Variants in CACNA1C observed in about 807,000 individuals in gnomAD.
The protein encoded by CACNA1C is voltage-dependent L-type calcium channel subunit alpha-1C.
In CACNA1C, 30 loss-of-function variants were observed where a neutral mutation model predicts 229.0. That is an observed-to-expected ratio of 0.13 (90% confidence interval 0.10 to 0.18). CACNA1C has a LOEUF of 0.18. CACNA1C is among the 10% of genes least tolerant of loss of function. The pLI, the probability that CACNA1C is intolerant of heterozygous loss-of-function variation, is 1.00. For synonymous variants in CACNA1C, 1,114 were observed against 1,132.5 expected, an observed-to-expected ratio of 0.98 and a Z score of 0.33; for missense variants, 1,658 against 2,845.0, an observed-to-expected ratio of 0.58 and a Z score of 9.49.
At chr12:2,086,453 A>G (rs2067674517) in intron 1 of CACNA1C, among the ~76,000 whole-genome samples, 1 of 152,190 alleles carries the variant, frequency 6.6e-6, no homozygotes, top group African/African-American at 2.4e-5. Flanking sequence ...TTTCTAATCT[A>G]TTCTAGGCTT....
intron 3 of CACNA1C, among the ~76,000 whole-genome samples, chr12:2,395,209 C>CTTT (rs5796003): frequency 3.6e-4 from 46 of 128,088 alleles, no homozygotes; most frequent in African/African-American, 1.2e-3. Context: ...TTTTCTCTAG[C>CTTT]TTTTTTTTTT....
At position 2,473,174 on chromosome 12, in the gene CACNA1C, C is replaced by A. The variant is rs1326015130; in HGVS notation, c.758-12930C>A. ...ATTAACCTGTACCATCTCTTTTCTG[C>A]TGTCAACCCTAAACCAGCTGCTATC... On this transcript the variant is annotated intron_variant, in intron 5 of 46. Transcript: ENST00000399655. Among the ~76,000 whole-genome samples, 8 of 152,204 alleles carry A rather than the reference C, an allele frequency of 5.3e-5. No individual in the cohort carries two copies. In the East Asian group the frequency reaches 1.2e-3, roughly 22 times the overall value.
chr12:2,659,947 A>G (rs569768864), intron 34 of CACNA1C: 2 of 197,226 alleles, frequency 1.0e-5, no homozygotes, highest in East Asian at 2.6e-4. Flanking sequence ...ATGAAGCAGA[A>G]AGTCTCCTTC....
chr12:2,542,891 A>T lies in CACNA1C; in HGVS notation c.1391-7052A>T, dbSNP rs146574782. Among the ~76,000 whole-genome samples, 1,391 of 152,286 alleles carry T rather than the reference A, an allele frequency of 9.1e-3. 26 individuals are homozygous for T. Among genetic ancestry groups the T allele is most frequent in the African/African-American group, 0.032 (1,344 of 41,556 alleles). ...TTAAAGGATGTAATCAGTTGTTGGC[A>T]ATTCGACCATACAACTTGCTGTAGC... On this transcript the variant is annotated intron_variant, in intron 9 of 46. Coordinates refer to ENST00000399655, the MANE Select transcript of CACNA1C (RefSeq NM_000719.7).
At chr12:2,672,886 C>T (rs1482699607) in intron 38 of CACNA1C, among the ~76,000 whole-genome samples, 1 of 152,206 alleles carries the variant, frequency 6.6e-6, no homozygotes, top group Non-Finnish European at 1.5e-5. Context: ...CCTCCAGCTA[C>T]CTCTCCCGTG....
intron 8 of CACNA1C, among the ~76,000 whole-genome samples, chr12:2,506,134 G>T (rs1368590022): frequency 2.6e-5 from 4 of 152,138 alleles, no homozygotes; most frequent in African/African-American, 9.7e-5. Context: ...TAGAGACCTT[G>T]ATGACAAAAT....
chr12:2,498,484 C>G (rs1335171394), intron 7 of CACNA1C, among the ~76,000 whole-genome samples: 1 of 152,206 alleles, frequency 6.6e-6, no homozygotes, highest in African/African-American at 2.4e-5. Flanking sequence ...ATTTATTTTG[C>G]TGGTATTAGA....
intron 3 of CACNA1C, among the ~76,000 whole-genome samples, chr12:2,276,392 A>C (rs2088072424): frequency 6.6e-6 from 1 of 152,228 alleles, no homozygotes; most frequent in African/African-American, 2.4e-5. Context: ...AGGGATTACC[A>C]AACATCTTAT....
intron 2 of CACNA1C, among the ~76,000 whole-genome samples, chr12:2,117,430 A>G (rs1399375850): frequency 6.6e-6 from 1 of 152,236 alleles, no homozygotes; most frequent in East Asian, 1.9e-4. Context: ...TCAGCCCCAT[A>G]GGACTGCTTG....
intron 38 of CACNA1C, among the ~76,000 whole-genome samples, chr12:2,671,223 C>T (rs1014353406): frequency 6.6e-6 from 1 of 152,080 alleles, no homozygotes; most frequent in Non-Finnish European, 1.5e-5. Flanking sequence ...CCATGTTGGC[C>T]AGGATGGTCT....
intron 8 of CACNA1C, among the ~76,000 whole-genome samples, chr12:2,511,493 G>C (rs973680898): frequency 6.6e-6 from 1 of 152,006 alleles, no homozygotes; most frequent in African/African-American, 2.4e-5. Flanking sequence ...CAGCAGCCTC[G>C]TGCCCTGAAC....
At chr12:2,681,387 A>G (rs1447655230) in intron 42 of CACNA1C, among the ~76,000 whole-genome samples, 4 of 152,194 alleles carry the variant, frequency 2.6e-5, no homozygotes, top group Non-Finnish European at 5.9e-5. Flanking sequence ...TACAAACAAC[A>G]CACAGGGCAT....
chr12:2,464,635 G>A (rs951848173), intron 5 of CACNA1C, among the ~76,000 whole-genome samples: 6 of 152,190 alleles, frequency 3.9e-5, no homozygotes, highest in Non-Finnish European at 5.9e-5. Context: ...CGTGGGATAC[G>A]TTTTTCCTAG....
At chr12:2,068,194 A>G (rs780768855) in intron 1 of CACNA1C, among the ~76,000 whole-genome samples, 1 of 151,980 alleles carries the variant, frequency 6.6e-6, no homozygotes, top group Admixed American at 6.6e-5. Context: ...GGACAGTAAC[A>G]CTCCTTGAAT....
chr12:2,066,262 C>T (rs1373825602), intron 1 of CACNA1C, among the ~76,000 whole-genome samples: 2 of 151,978 alleles, frequency 1.3e-5, no homozygotes, highest in African/African-American at 4.8e-5. Flanking sequence ...AATTAGAGTT[C>T]TGTCTAAGAA....
chr12:2,240,215 G>A (rs994013231), intron 3 of CACNA1C, among the ~76,000 whole-genome samples: 2 of 152,142 alleles, frequency 1.3e-5, no homozygotes, highest in African/African-American at 2.4e-5. Flanking sequence ...GAGAAACCTC[G>A]ATTGTTTCCT....
intron 3 of CACNA1C, among the ~76,000 whole-genome samples, chr12:2,230,349 C>CCTTG (rs2064587535): frequency 6.6e-6 from 1 of 152,154 alleles, no homozygotes; most frequent in Admixed American, 6.5e-5. Context: ...CTTGGTGGCG[C>CCTTG]GCAAGGTGCC....
chr12:2,561,512 G>A (rs1395111214), intron 11 of CACNA1C, among the ~76,000 whole-genome samples: 3 of 152,230 alleles, frequency 2.0e-5, no homozygotes, highest in Non-Finnish European at 2.9e-5. Context: ...GACAGTAAGC[G>A]CTGAAGAGTG....
At chr12:2,565,535 G>A (rs963477190) in intron 11 of CACNA1C, among the ~76,000 whole-genome samples, 1 of 151,654 alleles carries the variant, frequency 6.6e-6, no homozygotes, top group African/African-American at 2.4e-5. Flanking sequence ...TTGGTTTGGT[G>A]TTGGGGCTTG....
Sources: allele counts gnomAD v4.1 joint callset (sites outside exome capture counted in the v4.1 genomes callset), GRCh38; gene constraint gnomAD v4.1.1; transcripts MANE v1.5; gene names NCBI Gene and HGNC (gene_info 2026-07-23, HGNC 2026-07-21).